NOP58: variants seen among roughly 807,000 people sequenced by gnomAD.
NOP58 encodes nucleolar protein 58.
A neutral mutation model predicts 71.2 loss-of-function variants in NOP58; 44 were observed. The observed-to-expected ratio is 0.62, with a 90% CI of 0.49 to 0.79. The LOEUF (loss-of-function observed/expected upper bound fraction) is 0.79. Ranked by LOEUF, NOP58 falls within the 30% of genes least tolerant of loss-of-function variation. The pLI, the probability that NOP58 is intolerant of heterozygous loss-of-function variation, is 0.00. For missense variants in NOP58, 538 were observed against 620.2 expected, an observed-to-expected ratio of 0.87 and a Z score of 1.41; for synonymous variants, 228 against 200.3, an observed-to-expected ratio of 1.14 and a Z score of -1.17.
chr2:202,300,951 G>C (rs984751281), intron 13 of NOP58, among the ~76,000 whole-genome samples: 2 of 152,110 alleles, frequency 1.3e-5, no homozygotes, highest in Admixed American at 6.6e-5. Flanking sequence ...GCTTTAACTT[G>C]GTTTCTAAGT....
chr2:202,272,456 T>C (rs1362062135), intron 1 of NOP58, among the ~76,000 whole-genome samples: 3 of 152,172 alleles, frequency 2.0e-5, no homozygotes, highest in African/African-American at 7.2e-5. Flanking sequence ...GCCCAGCCTG[T>C]ATAAATTTAA....
At chr2:202,295,354 G>A (rs569878223) in intron 9 of NOP58, among the ~76,000 whole-genome samples, 44 of 152,234 alleles carry the variant, frequency 2.9e-4, no homozygotes, top group African/African-American at 9.6e-4. Flanking sequence ...GTGTTCGTGT[G>A]TGTGACATTT....
At chr2:202,281,699 C>T (rs1559262188) in intron 3 of NOP58, among the ~76,000 whole-genome samples, 3 of 152,198 alleles carry the variant, frequency 2.0e-5, no homozygotes, top group African/African-American at 7.2e-5. Flanking sequence ...ATACTTTTAC[C>T]TCAGTCAAAT....
intron 3 of NOP58, 166 bp downstream of exon 3, chr2:202,278,168 T>C (rs1333723030): frequency 1.4e-6 from 1 of 719,946 alleles, no homozygotes; most frequent in South Asian, 1.4e-5. Flanking sequence ...GACTCATTCG[T>C]CACTACCACT....
chr2:202,292,910 G>A lies in NOP58; in HGVS notation c.907+7G>A, dbSNP rs763384589. On this transcript the variant is annotated splice_region_variant and intron_variant, in intron 9 of 14. Coordinates refer to ENST00000264279, the MANE Select transcript of NOP58 (RefSeq NM_015934.5). ...CGGCTTATTGCTCATGCAGGTGATG[G>A]TTTTAATGTAATTTGTAAATATGAG... 2 of 1,613,882 alleles carry A rather than the reference G, an allele frequency of 1.2e-6. No individual in the cohort carries two copies. The highest frequency in any genetic ancestry group is 1.7e-6 in the Non-Finnish European group (2 of 1,179,812).
chr2:202,297,331 G>C (rs1689011073), intron 10 of NOP58, 48 bp from the exon 11 acceptor site: 1 of 1,540,694 alleles, frequency 6.5e-7, no homozygotes, highest in African/African-American at 1.4e-5. Context: ...AGTTATTGAG[G>C]ATTTTACATC....
At chr2:202,298,225 T>C (rs1383783495) in intron 12 of NOP58, among the ~76,000 whole-genome samples, 1 of 152,264 alleles carries the variant, frequency 6.6e-6, no homozygotes, top group Non-Finnish European at 1.5e-5. Context: ...CCCTAATTTT[T>C]TTCCATGCCA....
rs1689069382 is a variant in NOP58, at chr2:202,300,272, T to G, written c.1307T>G (p.Leu436Arg). Residue 436 changes from leucine (L) to arginine (R), a missense_variant, in exon 13 of 15, where the codon CTT (leucine) becomes CGT (arginine). Physicochemically the swap from Leu to Arg is moderately radical, Grantham distance 102. Transcript: ENST00000264279. ...KTYDPSGDST[L>R]PTCSKKRKIE... Reference sequence around the variant, plus strand: ...TACGATCCTTCTGGTGACTCCACACTTCCAACCTGTTCTAAAAAACGCAAA... The same window carrying G: ...TACGATCCTTCTGGTGACTCCACACGTCCAACCTGTTCTAAAAAACGCAAA... The G allele has an allele frequency of 6.2e-7, 1 of 1,601,670 alleles. No individual in the cohort carries two copies.
chr2:202,292,600 T>C (rs1688921953), intron 8 of NOP58, among the ~76,000 whole-genome samples, 177 bp from the exon 9 acceptor site: 3 of 151,606 alleles, frequency 2.0e-5, no homozygotes, highest in Non-Finnish European at 4.4e-5. Flanking sequence ...ATTGCGCCAC[T>C]GCGCTCCAGC....
chr2:202,300,504 C>A, intron 13 of NOP58, 137 bp downstream of exon 13: 1 of 646,648 alleles, frequency 1.5e-6, no homozygotes, highest in East Asian at 3.0e-5. Context: ...TTAATAATGC[C>A]ATTATGTTCT....
intron 1 of NOP58, 36 bp from the exon 2 acceptor site, chr2:202,275,077 C>T (rs752465047): frequency 1.9e-6 from 2 of 1,031,324 alleles, no homozygotes; most frequent in Non-Finnish European, 3.0e-6. Context: ...CTCACCTGTA[C>T]CATTTAAATA....
intron 12 of NOP58, chr2:202,299,843 T>C (rs1444570071): frequency 2.4e-5 from 2 of 83,858 alleles, no homozygotes; most frequent in Middle Eastern, 5.9e-3. Context: ...TTTGTTCTGC[T>C]TTTTTTTTTT....
In NOP58 at chr2:202,297,855, TA is replaced by T; in HGVS notation, c.1219del (p.Ser407ValfsTer7). ...TCGTTTTCTTCTTAGATAAGAAAAA[TA>T]AGTGGAACAGGAAAAGCATTAGCAA... The part of the protein sequence containing the change: ...RTLEDRGIRK[I>X]SGTGKALAKT... On this transcript the variant is annotated frameshift_variant, in exon 12 of 15. Coordinates refer to ENST00000264279, the MANE Select transcript of NOP58 (RefSeq NM_015934.5). LOFTEE classifies it high-confidence loss of function. The T allele has an allele frequency of 6.4e-7, 1 of 1,571,370 alleles. No individual in the cohort carries two copies. Among genetic ancestry groups the T allele is most frequent in the Non-Finnish European group, 8.6e-7 (1 of 1,156,104 alleles).
rs946591847 is a variant in NOP58 at position 202,283,489 on chromosome 2, G to A, written c.298-856G>A. ...CGGAGTCTCACTCTGTCGCTAGGCT[G>A]AAGTGCATTGGCTCAGTCTTGGCTC... is the stretch of plus-strand genomic sequence containing the variant. On this transcript the variant is annotated intron_variant, in intron 4 of 14. Coordinates refer to ENST00000264279, the MANE Select transcript of NOP58 (RefSeq NM_015934.5). Among the ~76,000 whole-genome samples the A allele has an allele frequency of 3.4e-5, 5 of 147,740 alleles. No individual in the cohort carries two copies. The East Asian group carries it at 8.0e-4, about 24-fold the overall frequency.
chr2:202,279,926 G>T (rs1158991224), intron 3 of NOP58, among the ~76,000 whole-genome samples: 1 of 152,148 alleles, frequency 6.6e-6, no homozygotes, highest in Non-Finnish European at 1.5e-5. Flanking sequence ...ATTCCTAGAC[G>T]CTAGCAAAGT....
intron 14 of NOP58, 48 bp downstream of exon 14, chr2:202,303,105 CT>C (rs1689120306): frequency 3.8e-6 from 6 of 1,560,078 alleles, no homozygotes; most frequent in Non-Finnish European, 4.3e-6. Flanking sequence ...GGCCAGTTCT[CT>C]ATATTTCAAT....
At chr2:202,274,400 ATTTTT>A (rs1173477305) in intron 1 of NOP58, among the ~76,000 whole-genome samples, 2 of 104,682 alleles carry the variant, frequency 1.9e-5, no homozygotes, top group African/African-American at 7.9e-5. Flanking sequence ...CTAATTTTGT[ATTTTT>A]TTTTTTTTTT....
intron 9 of NOP58, among the ~76,000 whole-genome samples, chr2:202,295,142 A>G (rs2105854094): frequency 6.6e-6 from 1 of 152,262 alleles, no homozygotes; most frequent in Middle Eastern, 3.4e-3. Flanking sequence ...GGAACTATTT[A>G]TTTCTGGAAT....
intron 1 of NOP58, among the ~76,000 whole-genome samples, chr2:202,267,701 GC>G (rs928811909): frequency 2.0e-5 from 3 of 152,146 alleles, no homozygotes; most frequent in African/African-American, 7.2e-5. Flanking sequence ...GTGAAGAGGA[GC>G]AACTCTGCAC....
Sources: gnomAD v4.1 joint callset for allele counts (sites outside exome capture counted in the v4.1 genomes callset) on GRCh38, gnomAD v4.1.1 for gene constraint, MANE v1.5 for transcripts, NCBI Gene and HGNC (gene_info 2026-07-23, HGNC 2026-07-21) for gene names.